THSD7B: variants seen among roughly 807,000 people sequenced by gnomAD.
The protein encoded by THSD7B is thrombospondin type 1 domain containing 7B.
In THSD7B, 138 loss-of-function variants were observed where a neutral mutation model predicts 213.6. The observed-to-expected ratio is 0.65, with a 90% CI of 0.56 to 0.74. THSD7B has a LOEUF of 0.74. Ranked by LOEUF, THSD7B falls within the 30% of genes least tolerant of loss-of-function variation. The pLI is 0.00. For missense variants in THSD7B, 1,931 were observed against 1,991.5 expected (o/e 0.97, Z 0.58); for synonymous variants, 742 against 687.0 (o/e 1.08, Z -1.25).
chr2:136,847,194 C>T (rs779102749), intron 1 of THSD7B, among the ~76,000 whole-genome samples: 13 of 151,980 alleles, frequency 8.6e-5, no homozygotes, highest in South Asian at 2.1e-4. Context: ...TGTTACTGGC[C>T]GAGGGGCCAG....
At chr2:137,560,417 A>G (rs1681086230) in intron 15 of THSD7B, among the ~76,000 whole-genome samples, 1 of 152,168 alleles carries the variant, frequency 6.6e-6, no homozygotes, top group Non-Finnish European at 1.5e-5. Context: ...TTGTAGGGAC[A>G]TGGATGAAGC....
chr2:137,067,207 C>T (rs1440763777), intron 3 of THSD7B, among the ~76,000 whole-genome samples: 1 of 152,060 alleles, frequency 6.6e-6, no homozygotes, highest in Non-Finnish European at 1.5e-5. Flanking sequence ...TTTGCTTTAG[C>T]TTTTCAAACT....
At chr2:137,454,313 C>T (rs1687715031) in intron 15 of THSD7B, among the ~76,000 whole-genome samples, 1 of 152,214 alleles carries the variant, frequency 6.6e-6, no homozygotes, top group Middle Eastern at 3.4e-3. Context: ...TTCTCTCACT[C>T]ATAAGTTTTT....
chr2:137,191,787 A>G (rs36078525), intron 7 of THSD7B, among the ~76,000 whole-genome samples: 12,759 of 152,132 alleles, frequency 0.084, 686 homozygotes, highest in African/African-American at 0.14. Context: ...CTACTTCAGC[A>G]GCTGTGGATC....
intron 2 of THSD7B, among the ~76,000 whole-genome samples, chr2:136,943,543 T>C (rs1340195819): frequency 6.6e-6 from 1 of 152,218 alleles, no homozygotes; most frequent in East Asian, 1.9e-4. Flanking sequence ...CTATTAATTA[T>C]TGCCTCAATT....
intron 5 of THSD7B, among the ~76,000 whole-genome samples, chr2:137,134,948 T>C (rs148082132): frequency 3.7e-4 from 57 of 152,302 alleles, no homozygotes; most frequent in Non-Finnish European, 2.4e-4. Flanking sequence ...AGTCTGGCCA[T>C]ATCTCTTGCT....
intron 10 of THSD7B, among the ~76,000 whole-genome samples, chr2:137,255,375 A>C (rs1038541326): frequency 1.3e-5 from 2 of 152,180 alleles, no homozygotes; most frequent in Non-Finnish European, 2.9e-5. Flanking sequence ...GCATATCATA[A>C]CAAGAAATGT....
intron 1 of THSD7B, among the ~76,000 whole-genome samples, chr2:136,791,396 C>G (rs2710179): frequency 0.031 from 4,697 of 151,820 alleles, 234 homozygotes; most frequent in African/African-American, 0.11. Flanking sequence ...AAAGAGTTTA[C>G]CCATTTAAAA....
chr2:137,512,830 C>A (rs1433749073), intron 15 of THSD7B, among the ~76,000 whole-genome samples: 1 of 152,148 alleles, frequency 6.6e-6, no homozygotes, highest in Non-Finnish European at 1.5e-5. Flanking sequence ...TACTTACCCC[C>A]ATGAGGCAGT....
chr2:137,644,251 A>G (rs1558869694), intron 21 of THSD7B, among the ~76,000 whole-genome samples: 3 of 152,140 alleles, frequency 2.0e-5, no homozygotes, highest in Non-Finnish European at 4.4e-5. Context: ...TTGGGAAGAA[A>G]CTCTGGAGCT....
chr2:137,256,816 G>A (rs1682320878), intron 10 of THSD7B, among the ~76,000 whole-genome samples: 1 of 152,190 alleles, frequency 6.6e-6, no homozygotes, highest in African/African-American at 2.4e-5. Flanking sequence ...GAATAGAAAA[G>A]GGGAATTGAA....
intron 17 of THSD7B, among the ~76,000 whole-genome samples, chr2:137,590,954 G>A (rs1681853879): frequency 6.6e-6 from 1 of 151,440 alleles, no homozygotes. Context: ...CACATTTTCA[G>A]TAATTTCTTG....
chr2:137,418,154 G>C (rs1052872758), intron 14 of THSD7B, among the ~76,000 whole-genome samples: 2 of 152,192 alleles, frequency 1.3e-5, no homozygotes, highest in African/African-American at 4.8e-5. Context: ...TGTTAGAGCT[G>C]TTTCTCTCTT....
chr2:136,840,558 C>T (rs1361259207), intron 1 of THSD7B, among the ~76,000 whole-genome samples: 1 of 152,070 alleles, frequency 6.6e-6, no homozygotes, highest in African/African-American at 2.4e-5. Flanking sequence ...CTAAAATCAC[C>T]TCTGTGTTTG....
At chr2:136,953,555 T>A (rs901990795) in intron 2 of THSD7B, among the ~76,000 whole-genome samples, 4 of 152,164 alleles carry the variant, frequency 2.6e-5, no homozygotes, top group African/African-American at 9.7e-5. Flanking sequence ...TTATGCCACT[T>A]ATGTACAAAT....
chr2:137,105,048 A>T (rs191261347), intron 4 of THSD7B, among the ~76,000 whole-genome samples: 203 of 152,342 alleles, frequency 1.3e-3, no homozygotes, highest in African/African-American at 4.7e-3. Context: ...ATCCTCCCTA[A>T]CACATTTTAT....
At chr2:137,378,717 T>C (rs918723289) in intron 12 of THSD7B, among the ~76,000 whole-genome samples, 3 of 152,124 alleles carry the variant, frequency 2.0e-5, no homozygotes, top group African/African-American at 7.2e-5. Flanking sequence ...GGAAGTTAAT[T>C]TGGAGCACCT....
chr2:136,976,364 C>T (rs1437763598), intron 2 of THSD7B, among the ~76,000 whole-genome samples: 8 of 152,062 alleles, frequency 5.3e-5, no homozygotes, highest in Non-Finnish European at 7.4e-5. Context: ...GTTTATTAAA[C>T]GTTTTTAACA....
chr2:137,324,545 C>A (rs1684327770), intron 12 of THSD7B, among the ~76,000 whole-genome samples: 1 of 152,060 alleles, frequency 6.6e-6, no homozygotes, highest in African/African-American at 2.4e-5. Flanking sequence ...TAGTTCCTAA[C>A]CTCAAAATGC....
Sources: allele counts gnomAD v4.1 joint callset (sites outside exome capture counted in the v4.1 genomes callset), GRCh38; gene constraint gnomAD v4.1.1; transcripts MANE v1.5; gene names NCBI Gene and HGNC (gene_info 2026-07-23, HGNC 2026-07-21).